CSNK1A1: variants seen among roughly 807,000 people sequenced by gnomAD.
CSNK1A1 encodes casein kinase 1 alpha 1.
Under a neutral mutation model 46.1 loss-of-function variants are expected in CSNK1A1, and 7 were observed. The ratio of observed to expected loss-of-function variants is 0.15; its 90% confidence interval spans 0.09 to 0.29. The LOEUF (loss-of-function observed/expected upper bound fraction) is 0.29, where lower values mean the gene tolerates loss of function less well. CSNK1A1 is among the 10% of genes least tolerant of loss of function. The pLI is 1.00. For missense variants in CSNK1A1, 96 were observed against 417.1 expected (o/e 0.23, Z 6.71); for synonymous variants, 137 against 141.5 (o/e 0.97, Z 0.23).
intron 4 of CSNK1A1, among the ~76,000 whole-genome samples, chr5:149,513,567 C>T (rs1459997756): frequency 6.6e-6 from 1 of 152,168 alleles, no homozygotes; most frequent in Admixed American, 6.5e-5. Context: ...ATAGTCTGTA[C>T]ACCTGTTACT....
At chr5:149,502,196 A>C in intron 9 of CSNK1A1, 1 of 945,602 alleles carries the variant, frequency 1.1e-6, no homozygotes, top group Non-Finnish European at 1.3e-6. Flanking sequence ...AAAAATTACC[A>C]TATAAAACAT....
chr5:149,529,820 G>C (rs112633640), intron 2 of CSNK1A1: 7,894 of 442,054 alleles, frequency 0.018, 107 homozygotes, highest in Non-Finnish European at 0.026. Context: ...TGGAAATGGA[G>C]GACCAGGGGA....
intron 2 of CSNK1A1, 110 bp downstream of exon 2, chr5:149,549,965 G>T: frequency 7.6e-7 from 1 of 1,311,554 alleles, no homozygotes; most frequent in Non-Finnish European, 1.0e-6. Context: ...AGGGAACCCA[G>T]GTAACTAAAA....
chr5:149,527,181 G>A (rs1281809869), intron 2 of CSNK1A1, among the ~76,000 whole-genome samples: 1 of 151,648 alleles, frequency 6.6e-6, no homozygotes, highest in East Asian at 1.9e-4. Flanking sequence ...AGGCTCGAGT[G>A]CAGTGGTGCG....
At chr5:149,508,758 A>G (rs770317958) in intron 7 of CSNK1A1, among the ~76,000 whole-genome samples, 4 of 152,206 alleles carry the variant, frequency 2.6e-5, no homozygotes, top group Non-Finnish European at 5.9e-5. Context: ...GGTAAGGAGA[A>G]TATTTCTTAC....
chr5:149,507,974 G>A (rs1408850271), intron 7 of CSNK1A1, among the ~76,000 whole-genome samples: 1 of 152,038 alleles, frequency 6.6e-6, no homozygotes, highest in Admixed American at 6.6e-5. Context: ...CAAGGCTCTA[G>A]GTATCAGTCA....
intron 5 of CSNK1A1, among the ~76,000 whole-genome samples, chr5:149,512,761 G>C (rs1359895667): frequency 1.3e-5 from 2 of 152,096 alleles, no homozygotes; most frequent in Admixed American, 6.6e-5. Flanking sequence ...GCCCCAAATA[G>C]CTCTAAAAAT....
chr5:149,549,201 A>C (rs904850603), intron 2 of CSNK1A1: 3 of 413,204 alleles, frequency 7.3e-6, no homozygotes, highest in African/African-American at 5.9e-5. Context: ...TAAGTGATTA[A>C]GATTTTTTTA....
Position 149,545,389 on chromosome 5 carries a change from C to T in CSNK1A1, c.230+4686G>A, listed in dbSNP as rs140467706. 1.8e-3 allele frequency: 870 copies of T among 471,986 alleles called. 7 individuals are homozygous for T. The highest frequency in any genetic ancestry group is 0.016 in the African/African-American group (784 of 50,360). 29.2% of individuals were successfully genotyped at this position (471,986 alleles called of 1,614,324 possible). A position where few individuals can be genotyped will look rare whatever the true frequency, so the allele number is the denominator to read the frequency against. On this transcript the variant is annotated intron_variant, in intron 2 of 9. Transcript: ENST00000377843. ...CGTTGGCAGACAGAGATACCTACTC[C>T]GAAGCCTTTGTAGGGGCCTGAGAGC...
rs1172653961 is a variant in CSNK1A1 at position 149,495,993 on chromosome 5, C to G, written c.*860G>C. 6.6e-6 allele frequency: 1 copy of G among 152,430 alleles called. No homozygotes were observed. The highest frequency in any genetic ancestry group is 1.5e-5 in the Non-Finnish European group (1 of 67,996). The allele number at this position is 152,430 out of a possible 1,614,324, so 9.4% of individuals were successfully genotyped here. A position where few individuals can be genotyped will look rare whatever the true frequency, so the allele number is the denominator to read the frequency against. On this transcript the variant is annotated 3_prime_UTR_variant, in exon 10 of 10. Coordinates refer to ENST00000377843, the MANE Select transcript of CSNK1A1 (RefSeq NM_001892.6). ...AAAAAATCTCATTTCCTTACAGAAA[C>G]AGTTTTTAGTTTTTAATGAACTTGT... is the stretch of plus-strand genomic sequence containing the variant.
intron 9 of CSNK1A1, 40 bp from the exon 10 acceptor site, chr5:149,496,900 A>G (rs1374047158): frequency 2.0e-6 from 3 of 1,530,866 alleles, no homozygotes; most frequent in Non-Finnish European, 2.6e-6. Flanking sequence ...TAAAATTCCA[A>G]GTCAAAAATT....
intron 9 of CSNK1A1, 116 bp downstream of exon 9, chr5:149,505,331 G>A (rs1303597607): frequency 6.9e-7 from 1 of 1,442,152 alleles, no homozygotes; most frequent in Non-Finnish European, 9.1e-7. Flanking sequence ...TTAACGCAGA[G>A]CCAAATTTTT....
At chr5:149,509,974 A>C in intron 6 of CSNK1A1, 21 bp from the exon 7 acceptor site, 4 of 1,532,624 alleles carry the variant, frequency 2.6e-6, no homozygotes, top group Non-Finnish European at 2.7e-6. Flanking sequence ...GAATAAAATA[A>C]AAAAGATATA....
Position 149,507,059 on chromosome 5 carries a change from C to T in CSNK1A1, c.825G>A (p.Met275Ile). The T allele has an allele frequency of 6.2e-7, 1 of 1,613,792 alleles. No homozygotes were observed. Reference protein sequence around the residue: ...GLRFEEAPDYMYLRQLFRILF... With the variant: ...GLRFEEAPDYIYLRQLFRILF... ...GAATGCGGAATAGCTGCCTCAGATA[C>T]ATGTAATCTGGGGCTTCCTCAAAGC... The change falls in exon 8 of 10, where the codon ATG becomes ATA. Residue 275 changes from methionine to isoleucine, a missense_variant. Physicochemically the swap from Met to Ile is conservative, Grantham distance 10. Transcript: ENST00000377843.
At chr5:149,534,242 G>C (rs1398005846) in intron 2 of CSNK1A1, among the ~76,000 whole-genome samples, 1 of 151,996 alleles carries the variant, frequency 6.6e-6, no homozygotes, top group Non-Finnish European at 1.5e-5. Context: ...AGCACCTTGG[G>C]AGGCCAAGGC....
intron 9 of CSNK1A1, chr5:149,502,367 G>A (rs1207349841): frequency 8.5e-6 from 8 of 940,578 alleles, no homozygotes; most frequent in Non-Finnish European, 8.9e-6. Flanking sequence ...TGTGACACAG[G>A]GTCTCATCTG....
Position 149,525,575 on chromosome 5 carries a change from T to C in CSNK1A1, c.231-404A>G, listed in dbSNP as rs1439570845. ...CAAAATGTTTCAGAAAGCAAAGATT[T>C]CTTTTATCTGAACTTCGATTCCAGT... On this transcript the variant is annotated intron_variant, in intron 2 of 9. Coordinates refer to ENST00000377843, the MANE Select transcript of CSNK1A1 (RefSeq NM_001892.6). The surrounding 1 kb of genome is among the most constrained non-coding windows in gnomAD (Gnocchi z 4.2). Among the ~76,000 whole-genome samples the C allele has an allele frequency of 6.6e-6, 1 of 152,228 alleles. No homozygotes were observed. Among genetic ancestry groups the C allele is most frequent in the Admixed American group, 6.5e-5 (1 of 15,280 alleles).
intron 2 of CSNK1A1, among the ~76,000 whole-genome samples, chr5:149,543,052 A>T (rs1762354909): frequency 6.6e-6 from 1 of 152,070 alleles, no homozygotes; most frequent in South Asian, 2.1e-4. Context: ...CAAAAGGGAG[A>T]ATAAGAACAC....
At chr5:149,538,387 A>G (rs902919439) in intron 2 of CSNK1A1, among the ~76,000 whole-genome samples, 2 of 152,212 alleles carry the variant, frequency 1.3e-5, no homozygotes, top group Non-Finnish European at 2.9e-5. Flanking sequence ...ACTGAATGAA[A>G]GAAATGGTTG....
Sources: allele counts gnomAD v4.1 joint callset (sites outside exome capture counted in the v4.1 genomes callset), GRCh38; gene constraint gnomAD v4.1.1; non-coding constraint Gnocchi (gnomAD v3.1); transcripts MANE v1.5; gene names NCBI Gene and HGNC (gene_info 2026-07-23, HGNC 2026-07-21).